SPOCK1: variants seen among roughly 807,000 people sequenced by gnomAD.
The protein encoded by SPOCK1 is SPARC (osteonectin), cwcv and kazal like domains proteoglycan 1.
In SPOCK1, 23 loss-of-function variants were observed where a neutral mutation model predicts 55.3. The ratio of observed to expected loss-of-function variants is 0.42; its 90% CI spans 0.30 to 0.59. SPOCK1 has a LOEUF of 0.59. SPOCK1 is among the 20% of genes least tolerant of loss of function. The probability of loss-of-function intolerance (pLI) is 0.22; values close to 1 mark genes in which losing one functional copy is unlikely to be tolerated. For synonymous variants in SPOCK1, 226 were observed against 221.0 expected (o/e 1.02, Z -0.20); for missense variants, 499 against 552.5 (o/e 0.90, Z 0.97).
At chr5:137,259,153 G>A (rs1252610054) in intron 3 of SPOCK1, among the ~76,000 whole-genome samples, 1 of 152,104 alleles carries the variant, frequency 6.6e-6, no homozygotes, top group Non-Finnish European at 1.5e-5. Context: ...GAAAACAAAG[G>A]CTTATAAATC....
intron 2 of SPOCK1, among the ~76,000 whole-genome samples, chr5:137,319,324 A>T (rs949991079): frequency 6.6e-6 from 1 of 152,230 alleles, no homozygotes; most frequent in African/African-American, 2.4e-5. Context: ...ATTTACAAGC[A>T]ATGCTCCATG....
intron 4 of SPOCK1, among the ~76,000 whole-genome samples, chr5:137,140,119 G>A (rs990614578): frequency 3.3e-5 from 5 of 152,158 alleles, no homozygotes; most frequent in African/African-American, 1.2e-4. Context: ...AACCAAGGAT[G>A]GCAAAGATGC....
At chr5:137,071,504 C>A (rs1752615220) in intron 5 of SPOCK1, among the ~76,000 whole-genome samples, 1 of 152,168 alleles carries the variant, frequency 6.6e-6, no homozygotes, top group African/African-American at 2.4e-5. Context: ...ATAAAGTAAG[C>A]ATTAGATTCT....
chr5:137,319,580 T>G lies in SPOCK1; in HGVS notation c.187-52525A>C, dbSNP rs192442398. Among the ~76,000 whole-genome samples the G allele has an allele frequency of 3.7e-3, 570 of 152,304 alleles. 9 individuals are homozygous for G. The highest frequency in any genetic ancestry group is 0.014 in the Middle Eastern group (4 of 294). ...ATGCCATAAAACTATCCTTCTTATT[T>G]AAGTAGCATCAGCAAGACAGTAGAA... On this transcript the variant is annotated intron_variant, in intron 2 of 10. Transcript: ENST00000394945.
At chr5:137,019,135 G>A (rs929650193) in intron 6 of SPOCK1, among the ~76,000 whole-genome samples, 1 of 152,142 alleles carries the variant, frequency 6.6e-6, no homozygotes, top group Non-Finnish European at 1.5e-5. Context: ...AGATGTGAAT[G>A]TAAATAATCC....
Position 137,112,664 on chromosome 5 carries a change from C to T in SPOCK1, c.348-103G>A. On this transcript the variant is annotated intron_variant, in intron 4 of 10. Transcript: ENST00000394945. The stretch of plus-strand genomic sequence containing the variant: ...AAGGCCAAATAAATAAAGGACTATC[C>T]AACCAGGCCAAGGGATCCTGAGGGC... 4.9e-6 allele frequency: 7 copies of T among 1,430,922 alleles called. No homozygotes were observed. The South Asian group carries it at 1.0e-4, about 21-fold the overall frequency. The allele number at this position is 1,430,922 out of a possible 1,614,324, so 88.6% of individuals were successfully genotyped here. A position where few individuals can be genotyped will look rare whatever the true frequency, so the allele number is the denominator to read the frequency against.
intron 2 of SPOCK1, among the ~76,000 whole-genome samples, chr5:137,399,765 T>C (rs1359624627): frequency 1.3e-5 from 2 of 152,200 alleles, no homozygotes; most frequent in East Asian, 1.9e-4. Flanking sequence ...TTGTAAAAAT[T>C]ATTTTTTAAA....
At chr5:137,266,127 C>T (rs1756845346) in intron 3 of SPOCK1, among the ~76,000 whole-genome samples, 1 of 152,164 alleles carries the variant, frequency 6.6e-6, no homozygotes, top group African/African-American at 2.4e-5. Context: ...CACCTTCCTC[C>T]ATGTCACATG....
At chr5:137,051,948 G>A (rs984766324) in intron 6 of SPOCK1, among the ~76,000 whole-genome samples, 35 of 152,172 alleles carry the variant, frequency 2.3e-4, no homozygotes, top group Admixed American at 2.3e-3. Context: ...GTACTCCCCA[G>A]CATCTAGGTA....
intron 2 of SPOCK1, among the ~76,000 whole-genome samples, chr5:137,445,337 G>A (rs974190918): frequency 6.6e-6 from 1 of 152,200 alleles, no homozygotes; most frequent in Non-Finnish European, 1.5e-5. Context: ...GCATTAGGAA[G>A]CTGCATTTTA....
chr5:137,193,352 T>C (rs1580800585), intron 3 of SPOCK1, among the ~76,000 whole-genome samples: 1 of 152,136 alleles, frequency 6.6e-6, no homozygotes, highest in East Asian at 1.9e-4. Flanking sequence ...ACTGGGACGT[T>C]AAGGGGAGGT....
At chr5:136,981,690 T>A (rs1750733883) in intron 9 of SPOCK1, among the ~76,000 whole-genome samples, 1 of 152,256 alleles carries the variant, frequency 6.6e-6, no homozygotes, top group Admixed American at 6.5e-5. Flanking sequence ...ATTTGTTTTC[T>A]TCTGTGGTAC....
At position 137,352,466 on chromosome 5, in the gene SPOCK1, G is replaced by T. The variant is rs1196992426; in HGVS notation, c.187-85411C>A. 2.0e-5 allele frequency among the ~76,000 whole-genome samples: 3 copies of T among 152,316 alleles called. No individual in the cohort carries two copies. The East Asian group carries it at 5.8e-4, about 29-fold the overall frequency. Reference sequence around the variant, plus strand: ...CATTCTTGGACATATGATTGCTAAAGAATTTTCTATCTTTTTCACCAAGTT... The same window carrying T: ...CATTCTTGGACATATGATTGCTAAATAATTTTCTATCTTTTTCACCAAGTT... On this transcript the variant is annotated intron_variant, in intron 2 of 10. Transcript: ENST00000394945.
At chr5:137,427,019 A>G (rs1193996398) in intron 2 of SPOCK1, among the ~76,000 whole-genome samples, 1 of 152,158 alleles carries the variant, frequency 6.6e-6, no homozygotes, top group African/African-American at 2.4e-5. Flanking sequence ...TGTAGGTGGG[A>G]CCATGTGACT....
At chr5:137,483,297 C>T (rs908117619) in intron 2 of SPOCK1, among the ~76,000 whole-genome samples, 1 of 152,180 alleles carries the variant, frequency 6.6e-6, no homozygotes, top group African/African-American at 2.4e-5. Context: ...CACGCCATTG[C>T]ACTCCAGGCT....
At chr5:137,468,678 G>A (rs576248902) in intron 2 of SPOCK1, among the ~76,000 whole-genome samples, 17 of 152,128 alleles carry the variant, frequency 1.1e-4, no homozygotes, top group Non-Finnish European at 1.8e-4. Context: ...CCGGTAACAC[G>A]TTTTTATTAT....
chr5:136,989,221 A>G (rs1750901277), intron 7 of SPOCK1, among the ~76,000 whole-genome samples: 1 of 152,212 alleles, frequency 6.6e-6, no homozygotes, highest in African/African-American at 2.4e-5. Context: ...GATCCATGAG[A>G]TGGAATCCAA....
At chr5:137,335,578 C>T (rs993034396) in intron 2 of SPOCK1, among the ~76,000 whole-genome samples, 1 of 152,208 alleles carries the variant, frequency 6.6e-6, no homozygotes, top group East Asian at 1.9e-4. Flanking sequence ...TGAGACGACA[C>T]TGCTTACGGC....
At chr5:137,122,992 G>A (rs1353755766) in intron 4 of SPOCK1, among the ~76,000 whole-genome samples, 1 of 152,220 alleles carries the variant, frequency 6.6e-6, no homozygotes, top group Non-Finnish European at 1.5e-5. Context: ...AGCAGAAGTG[G>A]CTTCAGGGAC....
Sources: gnomAD v4.1 joint callset for allele counts (sites outside exome capture counted in the v4.1 genomes callset) on GRCh38, gnomAD v4.1.1 for gene constraint, MANE v1.5 for transcripts, NCBI Gene and HGNC (gene_info 2026-07-23, HGNC 2026-07-21) for gene names.